Variants in SLC25A12 observed in about 807,000 individuals in gnomAD.
SLC25A12 encodes the protein electrogenic aspartate/glutamate antiporter SLC25A12, mitochondrial.
A neutral mutation model predicts 83.3 loss-of-function variants in SLC25A12; 32 were observed. That is an observed-to-expected ratio of 0.38 (90% CI 0.29 to 0.52). The LOEUF (loss-of-function observed/expected upper bound fraction) is 0.52. Ranked by LOEUF, SLC25A12 falls within the 20% of genes least tolerant of loss-of-function variation. The pLI is 0.84. For synonymous variants in SLC25A12, 267 were observed against 291.1 expected, an observed-to-expected ratio of 0.92 and a Z score of 0.84; for missense variants, 611 against 835.6, an observed-to-expected ratio of 0.73 and a Z score of 3.31.
chr2:171,816,049 T>C (rs1217688389), intron 9 of SLC25A12, among the ~76,000 whole-genome samples: 1 of 150,336 alleles, frequency 6.7e-6, no homozygotes, highest in African/African-American at 2.4e-5. Flanking sequence ...TATTAATTAA[T>C]GCAAAAATAT....
At chr2:171,823,190 A>G (rs140448800) in intron 9 of SLC25A12, among the ~76,000 whole-genome samples, 17 of 152,360 alleles carry the variant, frequency 1.1e-4, no homozygotes, top group African/African-American at 4.1e-4. Flanking sequence ...TTTGGTTGCT[A>G]TAAGAACTTA....
At chr2:171,862,838 A>C (rs993329868) in intron 3 of SLC25A12, among the ~76,000 whole-genome samples, 2 of 151,994 alleles carry the variant, frequency 1.3e-5, no homozygotes, top group Non-Finnish European at 2.9e-5. Context: ...AGCTATTCTA[A>C]TATTTCATCA....
chr2:171,857,945 G>A (rs1685080308), intron 3 of SLC25A12, among the ~76,000 whole-genome samples: 1 of 151,938 alleles, frequency 6.6e-6, no homozygotes, highest in Non-Finnish European at 1.5e-5. Flanking sequence ...ACAAAAAGTG[G>A]GGGAAACTCA....
intron 8 of SLC25A12, among the ~76,000 whole-genome samples, chr2:171,831,098 G>A (rs1367761205): frequency 2.6e-5 from 4 of 152,198 alleles, no homozygotes; most frequent in Non-Finnish European, 5.9e-5. Context: ...ACTGCGTTGT[G>A]CCTCAGTTTA....
At chr2:171,862,874 TAGAA>T (rs35057271) in intron 3 of SLC25A12, among the ~76,000 whole-genome samples, 116,775 of 151,740 alleles carry the variant, frequency 0.77, 45,991 homozygotes, top group East Asian at 0.89. Flanking sequence ...GGGTAGAAAA[TAGAA>T]AGAGGGAGAA....
At chr2:171,890,921 T>G (rs1685920474) in intron 2 of SLC25A12, among the ~76,000 whole-genome samples, 1 of 152,172 alleles carries the variant, frequency 6.6e-6, no homozygotes, top group Non-Finnish European at 1.5e-5. Context: ...TCCACAAATT[T>G]TCAACATAAA....
rs1480404062 is a variant in SLC25A12, at chr2:171,813,457, C to T, written c.1053G>A (p.Lys351=). ...AGCCACGCTGGTTTTGCATTCGGGT[C>T]TTCACCAGATCTATAGGATACACTG... ...ATAVYPIDLV[K]TRMQNQRGSG... Residue 351 remains lysine (K), a synonymous_variant, in exon 11 of 18, where the codon AAG becomes AAA. Transcript: ENST00000422440. 1.9e-6 allele frequency: 3 copies of T among 1,614,028 alleles called. No homozygotes were observed. Among genetic ancestry groups the T allele is most frequent in the Non-Finnish European group, 2.5e-6 (3 of 1,179,952 alleles).
intron 3 of SLC25A12, among the ~76,000 whole-genome samples, chr2:171,863,626 T>A (rs767960333): frequency 6.6e-6 from 1 of 151,870 alleles, no homozygotes; most frequent in Non-Finnish European, 1.5e-5. Context: ...ACTACTGAGA[T>A]AGAATAGAGC....
chr2:171,839,269 A>C (rs1023038874), intron 5 of SLC25A12, among the ~76,000 whole-genome samples: 4 of 152,226 alleles, frequency 2.6e-5, no homozygotes, highest in Non-Finnish European at 5.9e-5. Flanking sequence ...GAGTTAGAAC[A>C]AACACTGGCA....
chr2:171,826,960 A>AC, intron 8 of SLC25A12, 78 bp from the exon 9 acceptor site: 1 of 807,652 alleles, frequency 1.2e-6, no homozygotes, highest in Non-Finnish European at 2.2e-6. Context: ...TCAAAAAAAA[A>AC]AACAAAAAAC....
rs560589049 is a variant in SLC25A12, at chr2:171,850,545, ACCATATTGGCCAGGCTGGT to A, written c.325+5270_325+5288del. Among the ~76,000 whole-genome samples, 500 of 151,702 alleles carry A rather than the reference ACCATATTGGCCAGGCTGGT, an allele frequency of 3.3e-3. 1 individual carries two copies. The highest frequency in any genetic ancestry group is 0.011 in the African/African-American group (462 of 41,364). ...GTATTTTTAGTAGAGATGGGGTTTC[ACCATATTGGCCAGGCTGGT>A]CCATATTGGCCAGGCTGGTCTCAAA... On this transcript the variant is annotated intron_variant, in intron 4 of 17. Coordinates refer to ENST00000422440, the MANE Select transcript of SLC25A12 (RefSeq NM_003705.5).
intron 2 of SLC25A12, among the ~76,000 whole-genome samples, chr2:171,889,842 T>C (rs1299732642): frequency 6.6e-6 from 1 of 152,222 alleles, no homozygotes; most frequent in Non-Finnish European, 1.5e-5. Context: ...TTTAACCTCA[T>C]CTATGTAACA....
In SLC25A12 at chr2:171,813,349, T is replaced by A. The variant is rs1378159749; in HGVS notation, c.1161A>T (p.Gly387=). The A allele has an allele frequency of 3.1e-6, 5 of 1,613,680 alleles. No homozygotes were observed. The change falls in exon 11 of 18, where the codon GGA becomes GGT. Residue 387 remains glycine, a synonymous_variant. Coordinates refer to ENST00000422440, the MANE Select transcript of SLC25A12 (RefSeq NM_003705.5). ...KKVLRYEGFF[G]LYRGLIPQLI... ...GATTTGCTTACTCACCCCTGTAGAG[T>A]CCAAAGAAGCCCTCATAACGCAAGA...
chr2:171,851,586 G>A (rs1298746982), intron 4 of SLC25A12, among the ~76,000 whole-genome samples: 1 of 151,552 alleles, frequency 6.6e-6, no homozygotes, highest in Non-Finnish European at 1.5e-5. Context: ...CCAGGCTAGA[G>A]TGTAATGGCA....
At chr2:171,892,250 ACAGTGTCTCTCTGTCCC>A (rs1685955431) in intron 2 of SLC25A12, among the ~76,000 whole-genome samples, 1 of 145,974 alleles carries the variant, frequency 6.9e-6, no homozygotes, top group Non-Finnish European at 1.5e-5. Flanking sequence ...TTTTTTTGAG[ACAGTGTCTCTCTGTCCC>A]CAGGCTGGAG....
chr2:171,796,806 T>C (rs1683606304), intron 13 of SLC25A12, among the ~76,000 whole-genome samples: 1 of 152,220 alleles, frequency 6.6e-6, no homozygotes, highest in Admixed American at 6.5e-5. Context: ...TCTAAAACTC[T>C]GGATGTTTAT....
At chr2:171,846,822 T>C (rs1336932888) in intron 4 of SLC25A12, among the ~76,000 whole-genome samples, 1 of 152,088 alleles carries the variant, frequency 6.6e-6, no homozygotes, top group African/African-American at 2.4e-5. Context: ...AAAGTTTCTA[T>C]TATCACAAAA....
chr2:171,792,386 CAA>C lies in SLC25A12; in HGVS notation c.1447-799_1447-798del, dbSNP rs1030791372. 4.6e-5 allele frequency among the ~76,000 whole-genome samples: 7 copies of C among 151,488 alleles called. No individual in the cohort carries two copies. In the South Asian group the frequency reaches 6.3e-4, roughly 14 times the overall value. ...TGCTGTAGCCTTGACCGTCTGAGCT[CAA>C]GTGATCCTCCCACCTCAGCCTCCTG... On this transcript the variant is annotated intron_variant, in intron 14 of 17. Coordinates refer to ENST00000422440, the MANE Select transcript of SLC25A12 (RefSeq NM_003705.5).
At chr2:171,848,044 C>CT (rs1684837113) in intron 4 of SLC25A12, 1 of 381,914 alleles carries the variant, frequency 2.6e-6, no homozygotes, top group African/African-American at 2.1e-5. Context: ...GTAAATATGT[C>CT]TTAACAGAGG....
Sources: allele counts gnomAD v4.1 joint callset (sites outside exome capture counted in the v4.1 genomes callset), GRCh38; gene constraint gnomAD v4.1.1; transcripts MANE v1.5; gene names NCBI Gene and HGNC (gene_info 2026-07-23, HGNC 2026-07-21).